The following TTC17 variants were observed in gnomAD, a reference collection of about 807,000 sequenced individuals.
TTC17 encodes the protein tetratricopeptide repeat domain 17.
A neutral mutation model predicts 143.8 loss-of-function variants in TTC17; 58 were observed. That is an observed-to-expected ratio of 0.40 (90% CI 0.33 to 0.50). The LOEUF is 0.50. TTC17 is among the 20% of genes least tolerant of loss of function. TTC17 has a pLI of 0.49. For synonymous variants in TTC17, 501 were observed against 497.8 expected (o/e 1.01, Z -0.09); for missense variants, 1,273 against 1,392.5 (o/e 0.91, Z 1.37).
At chr11:43,472,967 G>A (rs1948118865) in intron 21 of TTC17, among the ~76,000 whole-genome samples, 1 of 152,052 alleles carries the variant, frequency 6.6e-6, no homozygotes, top group South Asian at 2.1e-4. Context: ...CTGAGGTCAG[G>A]AGATCGAGAC....
chr11:43,472,094 TGCC>T (rs1465476796), intron 21 of TTC17, among the ~76,000 whole-genome samples: 1 of 152,190 alleles, frequency 6.6e-6, no homozygotes, highest in African/African-American at 2.4e-5. Context: ...CAGTGGATCA[TGCC>T]TGTAATCCCA....
chr11:43,397,873 A>G lies in TTC17; in HGVS notation c.919-101A>G, dbSNP rs184621422. 2.6e-4 allele frequency: 394 copies of G among 1,492,680 alleles called. 1 individual carries two copies. The African/African-American group carries it at 4.1e-3, about 16-fold the overall frequency. 92.5% of individuals were successfully genotyped at this position (1,492,680 alleles called of 1,614,324 possible). A position where few individuals can be genotyped will look rare whatever the true frequency, so the allele number is the denominator to read the frequency against. ...TCATTAGAGGATTTGGACAGATGCA[A>G]CCAGGCCGTGGCTAACATTTTTTTT... is the stretch of plus-strand genomic sequence containing the variant. On this transcript the variant is annotated intron_variant, in intron 7 of 23. Coordinates refer to ENST00000039989, the MANE Select transcript of TTC17 (RefSeq NM_018259.6).
chr11:43,389,110 C>T (rs1371504098), intron 2 of TTC17, among the ~76,000 whole-genome samples: 1 of 148,712 alleles, frequency 6.7e-6, no homozygotes, highest in Non-Finnish European at 1.5e-5. Flanking sequence ...TGCAGCACTC[C>T]AACCTGGGTG....
chr11:43,364,963 G>C (rs1021906503), intron 1 of TTC17, among the ~76,000 whole-genome samples: 1 of 151,388 alleles, frequency 6.6e-6, no homozygotes, highest in Non-Finnish European at 1.5e-5. Flanking sequence ...GTACCACCAC[G>C]CCCGGCTAAT....
At chr11:43,359,151 C>T (rs1309885789) in intron 1 of TTC17, 38 bp downstream of exon 1, 8 of 1,537,162 alleles carry the variant, frequency 5.2e-6, no homozygotes, top group East Asian at 2.6e-5. Context: ...CGTGCCCGCC[C>T]TCGCCCCGGG....
At chr11:43,361,642 G>A (rs1338309171) in intron 1 of TTC17, among the ~76,000 whole-genome samples, 2 of 152,240 alleles carry the variant, frequency 1.3e-5, no homozygotes, top group African/African-American at 2.4e-5. Flanking sequence ...CACTTTTGCA[G>A]CATTGTAAAG....
At chr11:43,399,546 T>C (rs1315196343) in intron 8 of TTC17, among the ~76,000 whole-genome samples, 4 of 152,054 alleles carry the variant, frequency 2.6e-5, no homozygotes, top group Non-Finnish European at 5.9e-5. Context: ...CGTGTGCCTG[T>C]AGTCCCAGAT....
At position 43,448,075 on chromosome 11, in the gene TTC17, G is replaced by A. The variant is rs1212847099; in HGVS notation, c.2739G>A (p.Leu913=). 1.2e-6 allele frequency: 2 copies of A among 1,613,994 alleles called. No individual in the cohort carries two copies. Among genetic ancestry groups the A allele is most frequent in the Non-Finnish European group, 1.7e-6 (2 of 1,179,994 alleles). ...GCCTCAAACTCCGCTGGGTAGAGCT[G>A]ACTGCCATCGTGAGTACCTGGCTTG... The part of the protein sequence containing the change: ...DECLKLRWVE[L]TAIVSTWLAV... The change falls in exon 19 of 24, where the codon CTG becomes CTA. Residue 913 remains leucine, a synonymous_variant. Coordinates refer to ENST00000039989, the MANE Select transcript of TTC17 (RefSeq NM_018259.6).
At chr11:43,471,555 C>T (rs766527050) in intron 21 of TTC17, among the ~76,000 whole-genome samples, 33 of 152,172 alleles carry the variant, frequency 2.2e-4, no homozygotes, top group East Asian at 5.8e-4. Context: ...TTATGGACAG[C>T]GGAGAGGAGT....
chr11:43,398,235 C>T, intron 8 of TTC17, 122 bp downstream of exon 8: 8 of 1,217,820 alleles, frequency 6.6e-6, no homozygotes, highest in Non-Finnish European at 5.6e-6. Flanking sequence ...TTCACTACTG[C>T]AAGTCCTATC....
At chr11:43,471,171 G>C (rs1948085231) in intron 21 of TTC17, among the ~76,000 whole-genome samples, 1 of 152,162 alleles carries the variant, frequency 6.6e-6, no homozygotes. Context: ...GGTGGCCCTA[G>C]ACTTGCATCA....
intron 21 of TTC17, among the ~76,000 whole-genome samples, chr11:43,469,391 A>G (rs551515105): frequency 5.9e-5 from 9 of 152,340 alleles, no homozygotes; most frequent in African/African-American, 1.7e-4. Context: ...ATGAAAACAT[A>G]TGACCACAAA....
At position 43,490,372 on chromosome 11, in the gene TTC17, A is replaced by T. The variant is rs752573619; in HGVS notation, c.3150+14A>T. The T allele has an allele frequency of 3.8e-6, 6 of 1,588,752 alleles. No individual in the cohort carries two copies. Among genetic ancestry groups the T allele is most frequent in the Non-Finnish European group, 5.2e-6 (6 of 1,163,374 alleles). On this transcript the variant is annotated intron_variant, in intron 22 of 23. Transcript: ENST00000039989. Reference sequence around the variant, plus strand: ...CACCAGATGAAGGTGAGTGGGACTCAGAAGGTGGGAACTTCTGCCCCTTTG... The same window carrying T: ...CACCAGATGAAGGTGAGTGGGACTCTGAAGGTGGGAACTTCTGCCCCTTTG...
chr11:43,372,852 T>C (rs1362975916), intron 1 of TTC17, among the ~76,000 whole-genome samples: 3 of 152,120 alleles, frequency 2.0e-5, no homozygotes, highest in African/African-American at 7.2e-5. Context: ...ACCAAAAACC[T>C]GAATTTTAGT....
In TTC17 at chr11:43,400,066, G is replaced by A. The variant is rs781714167; in HGVS notation, c.1219+18G>A. 1 of 1,606,878 alleles carries A rather than the reference G, an allele frequency of 6.2e-7. No homozygotes were observed. ...ACAATTAGGTAAGTAGTGACTCCAA[G>A]TAATTGAAGACAGGTTAGGAAATTC... is the stretch of plus-strand genomic sequence containing the variant. On this transcript the variant is annotated intron_variant, in intron 9 of 23. Coordinates refer to ENST00000039989, the MANE Select transcript of TTC17 (RefSeq NM_018259.6).
intron 1 of TTC17, chr11:43,370,260 T>C (rs971213958): frequency 2.6e-5 from 8 of 308,932 alleles, no homozygotes; most frequent in African/African-American, 1.7e-4. Context: ...ATTCCATCCC[T>C]GTGAAACTCA....
chr11:43,451,361 G>C, intron 21 of TTC17, 96 bp downstream of exon 21: 1 of 1,088,862 alleles, frequency 9.2e-7, no homozygotes, highest in Non-Finnish European at 1.4e-6. Context: ...TCTTCTGTTA[G>C]TTACTTAGCA....
chr11:43,377,543 C>T lies in TTC17; in HGVS notation c.160-1690C>T, dbSNP rs539106947. Among the ~76,000 whole-genome samples, 13 of 152,286 alleles carry T rather than the reference C, an allele frequency of 8.5e-5. No homozygotes were observed. The East Asian group carries it at 2.5e-3, about 29-fold the overall frequency. The stretch of plus-strand genomic sequence containing the variant: ...TGTATGTCAGGCTGTAAGTCTTCTG[C>T]AGTCAACTTTTATCTGGCAAAGATC... On this transcript the variant is annotated intron_variant, in intron 1 of 23. Coordinates refer to ENST00000039989, the MANE Select transcript of TTC17 (RefSeq NM_018259.6).
chr11:43,410,893 T>C (rs1036511268), intron 15 of TTC17, among the ~76,000 whole-genome samples: 2 of 152,206 alleles, frequency 1.3e-5, no homozygotes, highest in Admixed American at 1.3e-4. Flanking sequence ...TTGTTGATTC[T>C]GTTTTCAAAA....
Sources: gnomAD v4.1 joint callset for allele counts (sites outside exome capture counted in the v4.1 genomes callset) on GRCh38, gnomAD v4.1.1 for gene constraint, MANE v1.5 for transcripts, NCBI Gene and HGNC (gene_info 2026-07-23, HGNC 2026-07-21) for gene names.